MIR2052HG: variants seen among roughly 807,000 people sequenced by gnomAD.
MIR2052HG encodes the protein MIR2052 host gene.
chr8:74,656,290 C>T (rs575098532), intron 2 of MIR2052HG, among the ~76,000 whole-genome samples: 31 of 152,108 alleles, frequency 2.0e-4, no homozygotes, highest in South Asian at 4.2e-4. Flanking sequence ...AATGTGAGGG[C>T]ATGAGATTTG....
At chr8:74,650,134 A>G (rs1187171698) in intron 2 of MIR2052HG, among the ~76,000 whole-genome samples, 1 of 152,202 alleles carries the variant, frequency 6.6e-6, no homozygotes, top group Non-Finnish European at 1.5e-5. Context: ...ATAAGCATAC[A>G]GTCTGATGAA....
intron 4 of MIR2052HG, among the ~76,000 whole-genome samples, chr8:74,749,076 T>C (rs947770814): frequency 4.6e-5 from 7 of 152,200 alleles, no homozygotes; most frequent in African/African-American, 1.7e-4. Flanking sequence ...TTATAGAATT[T>C]TTATAATAAT....
At chr8:74,691,753 T>G (rs1439307628) in intron 2 of MIR2052HG, among the ~76,000 whole-genome samples, 2 of 152,226 alleles carry the variant, frequency 1.3e-5, no homozygotes, top group African/African-American at 4.8e-5. Flanking sequence ...AATGTATAAT[T>G]TGGTGAGGTG....
chr8:74,667,632 C>T (rs933931007), intron 2 of MIR2052HG, among the ~76,000 whole-genome samples: 8 of 152,222 alleles, frequency 5.3e-5, no homozygotes, highest in Non-Finnish European at 1.2e-4. Context: ...CTGTTTCTGA[C>T]ATTGGTTTTT....
chr8:74,681,251 A>G lies in MIR2052HG; in HGVS notation n.217-21128A>G, dbSNP rs1054413882. On this transcript the variant is annotated intron_variant and non_coding_transcript_variant, in intron 2 of 6. Coordinates refer to ENST00000523442, the Ensembl canonical transcript of MIR2052HG. ...AAGACACAATGTCACCAAGGCATAA[A>G]TTTTCTGCAAATTGATCTTTAAATA... Among the ~76,000 whole-genome samples, 20 of 152,030 alleles carry G rather than the reference A, an allele frequency of 1.3e-4. 1 individual carries two copies. The highest frequency in any genetic ancestry group is 2.8e-4 in the Non-Finnish European group (19 of 68,004).
chr8:74,638,856 C>T (rs973828652), intron 2 of MIR2052HG, among the ~76,000 whole-genome samples: 3 of 151,964 alleles, frequency 2.0e-5, no homozygotes, highest in Non-Finnish European at 4.4e-5. Flanking sequence ...CGGATGAAAT[C>T]GAAAGCCATG....
At chr8:74,685,826 A>G (rs952769620) in intron 2 of MIR2052HG, among the ~76,000 whole-genome samples, 2 of 152,104 alleles carry the variant, frequency 1.3e-5, no homozygotes, top group African/African-American at 4.8e-5. Flanking sequence ...GAAGAATAAT[A>G]AAAATACATT....
chr8:74,688,677 C>T (rs1296104289), intron 2 of MIR2052HG, among the ~76,000 whole-genome samples: 9 of 151,700 alleles, frequency 5.9e-5, no homozygotes, highest in Admixed American at 5.9e-4. Flanking sequence ...TTTTTGTTAC[C>T]ATAGGTTTTT....
intron 2 of MIR2052HG, among the ~76,000 whole-genome samples, chr8:74,668,471 A>G (rs555568789): frequency 1.3e-5 from 2 of 152,322 alleles, no homozygotes; most frequent in African/African-American, 4.8e-5. Flanking sequence ...GGGAGGAACT[A>G]GAGCAGTTGT....
At chr8:74,687,205 T>G (rs978485125) in intron 2 of MIR2052HG, among the ~76,000 whole-genome samples, 2 of 152,112 alleles carry the variant, frequency 1.3e-5, no homozygotes, top group African/African-American at 2.4e-5. Context: ...TAAGTGTTGG[T>G]GGGGACTTCG....
intron 2 of MIR2052HG, among the ~76,000 whole-genome samples, chr8:74,617,200 G>A (rs1808294499): frequency 1.3e-5 from 2 of 152,070 alleles, no homozygotes; most frequent in Admixed American, 1.3e-4. Flanking sequence ...CAAATAGTGA[G>A]CATTGTACCC....
chr8:74,689,602 T>G (rs1300630024), intron 2 of MIR2052HG, among the ~76,000 whole-genome samples: 1 of 152,232 alleles, frequency 6.6e-6, no homozygotes, highest in African/African-American at 2.4e-5. Flanking sequence ...TTTATTTACT[T>G]CATATGGTCA....
intron 2 of MIR2052HG, among the ~76,000 whole-genome samples, chr8:74,616,758 A>G (rs1250049197): frequency 6.6e-6 from 1 of 152,000 alleles, no homozygotes; most frequent in Non-Finnish European, 1.5e-5. Flanking sequence ...TCTTAAACCT[A>G]CCTGACTCAG....
At chr8:74,606,183 C>T (rs542626805) in intron 1 of MIR2052HG, among the ~76,000 whole-genome samples, 13 of 152,274 alleles carry the variant, frequency 8.5e-5, no homozygotes, top group African/African-American at 3.1e-4. Flanking sequence ...TGTTATCAAT[C>T]GGATGAATTC....
At chr8:74,604,583 C>CT (rs35641908) in intron 1 of MIR2052HG, among the ~76,000 whole-genome samples, 14,802 of 49,676 alleles carry the variant, frequency 0.3, 4,660 homozygotes, top group East Asian at 0.44. Flanking sequence ...TGTTTCTTTA[C>CT]TTTTTTTTTT....
chr8:74,612,634 TC>T (rs1049087816), intron 1 of MIR2052HG: 9 of 305,236 alleles, frequency 2.9e-5, no homozygotes, highest in Non-Finnish European at 6.5e-6. Context: ...AAGAGGAGTA[TC>T]CTTCTAATCA....
At chr8:74,603,726 G>A (rs1012309589) in intron 1 of MIR2052HG, 1 of 882,088 alleles carries the variant, frequency 1.1e-6, no homozygotes, top group Non-Finnish European at 2.0e-6. Flanking sequence ...GGATGGTCAC[G>A]CCCTTCGGGG....
intron 4 of MIR2052HG, among the ~76,000 whole-genome samples, chr8:74,712,710 T>TG (rs1459690327): frequency 2.0e-5 from 3 of 151,822 alleles, no homozygotes; most frequent in Non-Finnish European, 4.4e-5. Flanking sequence ...CTTTTTTTTT[T>TG]TTTTATAAAT....
chr8:74,688,603 G>A (rs1809207695), intron 2 of MIR2052HG, among the ~76,000 whole-genome samples: 1 of 152,160 alleles, frequency 6.6e-6, no homozygotes, highest in African/African-American at 2.4e-5. Context: ...CTGTAGCAAA[G>A]CTAAGTACAC....
Sources: allele counts gnomAD v4.1 joint callset (sites outside exome capture counted in the v4.1 genomes callset), GRCh38; gene constraint gnomAD v4.1.1; transcripts MANE v1.5; gene names NCBI Gene and HGNC (gene_info 2026-07-23, HGNC 2026-07-21).